Variants in CNBD1 observed in about 807,000 individuals in gnomAD.
The protein encoded by CNBD1 is cyclic nucleotide-binding domain-containing protein 1.
CNBD1 carries 71 observed loss-of-function variants against 54.4 expected under a neutral mutation model. That is an observed-to-expected ratio of 1.30 (90% CI 1.08 to 1.59). The LOEUF is 1.59. Among genes scored for constraint, CNBD1 ranks in the 40% most tolerant of loss-of-function variants. The pLI is 0.00. For synonymous variants in CNBD1, 182 were observed against 170.7 expected (o/e 1.07, Z -0.51); for missense variants, 659 against 518.0 (o/e 1.27, Z -2.64).
intron 10 of CNBD1, among the ~76,000 whole-genome samples, chr8:87,355,888 G>T (rs1810410024): frequency 6.6e-6 from 1 of 152,074 alleles, no homozygotes. Context: ...CAAGGAGATG[G>T]ATCCTTTATG....
intron 5 of CNBD1, among the ~76,000 whole-genome samples, chr8:87,221,397 A>C (rs936936186): frequency 9.2e-5 from 14 of 152,046 alleles, no homozygotes; most frequent in African/African-American, 3.4e-4. Context: ...GTTCTTTATC[A>C]ACCTTCCTAG....
At chr8:87,399,555 T>G (rs997743510) in intron 2 of CNBD1, among the ~76,000 whole-genome samples, 1 of 152,012 alleles carries the variant, frequency 6.6e-6, no homozygotes, top group Non-Finnish European at 1.5e-5. Context: ...GGATAATTTA[T>G]GAACCTAATA....
At chr8:87,128,327 A>G (rs1812041964) in intron 4 of CNBD1, among the ~76,000 whole-genome samples, 1 of 152,102 alleles carries the variant, frequency 6.6e-6, no homozygotes, top group African/African-American at 2.4e-5. Context: ...CAGACACTCA[A>G]CCCTGGATGC....
intron 4 of CNBD1, among the ~76,000 whole-genome samples, chr8:87,058,867 T>C (rs529617658): frequency 6.6e-6 from 1 of 152,360 alleles, no homozygotes; most frequent in African/African-American, 2.4e-5. Context: ...TTGTTACTTA[T>C]GCAAATTTAT....
chr8:87,282,640 T>C (rs1808620271), intron 6 of CNBD1, among the ~76,000 whole-genome samples: 1 of 151,980 alleles, frequency 6.6e-6, no homozygotes, highest in Non-Finnish European at 1.5e-5. Context: ...GGAAGTTTTA[T>C]AATTTCCTAA....
intron 4 of CNBD1, among the ~76,000 whole-genome samples, chr8:87,042,534 A>G (rs1350377534): frequency 6.6e-6 from 1 of 152,228 alleles, no homozygotes; most frequent in African/African-American, 2.4e-5. Context: ...GATTTCAACA[A>G]AAGTTAAATG....
At chr8:86,909,114 A>G (rs1234230669) in intron 3 of CNBD1, among the ~76,000 whole-genome samples, 1 of 152,118 alleles carries the variant, frequency 6.6e-6, no homozygotes, top group East Asian at 1.9e-4. Flanking sequence ...AATAAACATA[A>G]TGGTCATTTT....
At chr8:87,134,659 G>T (rs1812190128) in intron 4 of CNBD1, among the ~76,000 whole-genome samples, 2 of 131,568 alleles carry the variant, frequency 1.5e-5, no homozygotes. Flanking sequence ...CTGGAGTGCA[G>T]TGGCTCTGTC....
intron 6 of CNBD1, among the ~76,000 whole-genome samples, chr8:87,244,233 C>A (rs953607098): frequency 6.6e-6 from 1 of 152,086 alleles, no homozygotes; most frequent in African/African-American, 2.4e-5. Flanking sequence ...AGGTGAGGGA[C>A]AAATGGCTGC....
At chr8:87,326,230 C>T (rs1442776868) in intron 8 of CNBD1, among the ~76,000 whole-genome samples, 3,389 of 95,520 alleles carry the variant, frequency 0.035, 69 homozygotes, top group Middle Eastern at 0.082. Context: ...TCTGGCTGCC[C>T]TTAACATTTT....
At chr8:87,228,114 G>T (rs1232472925) in intron 5 of CNBD1, among the ~76,000 whole-genome samples, 7 of 150,990 alleles carry the variant, frequency 4.6e-5, no homozygotes, top group Non-Finnish European at 1.0e-4. Context: ...GCACTTCTCT[G>T]TATTGGTTAT....
At chr8:87,009,389 C>T (rs998338517) in intron 4 of CNBD1, among the ~76,000 whole-genome samples, 32 of 152,198 alleles carry the variant, frequency 2.1e-4, no homozygotes, top group Admixed American at 3.3e-4. Context: ...CAACCTCTGC[C>T]TTCTGGGTTC....
At chr8:86,984,998 T>G (rs1349319832) in intron 4 of CNBD1, among the ~76,000 whole-genome samples, 1 of 152,060 alleles carries the variant, frequency 6.6e-6, no homozygotes, top group Non-Finnish European at 1.5e-5. Flanking sequence ...CCCATCCAAA[T>G]CTCATCTTGA....
intron 4 of CNBD1, among the ~76,000 whole-genome samples, chr8:87,134,786 T>A (rs934524541): frequency 6.6e-6 from 1 of 151,458 alleles, no homozygotes; most frequent in African/African-American, 2.4e-5. Context: ...TGAATTTTTT[T>A]TTTTTAGTAG....
chr8:87,135,281 A>G (rs1812205253), intron 4 of CNBD1, among the ~76,000 whole-genome samples: 1 of 151,970 alleles, frequency 6.6e-6, no homozygotes, highest in South Asian at 2.1e-4. Flanking sequence ...TATAAAATCA[A>G]ATATACTAAG....
chr8:87,420,039 CAA>C (rs1257048771), intron 2 of CNBD1, among the ~76,000 whole-genome samples: 1 of 150,818 alleles, frequency 6.6e-6, no homozygotes, highest in South Asian at 2.1e-4. Flanking sequence ...ACATAATGAC[CAA>C]GTTTGATTTA....
chr8:87,127,023 T>C (rs1186148860), intron 4 of CNBD1, among the ~76,000 whole-genome samples: 2 of 151,828 alleles, frequency 1.3e-5, no homozygotes, highest in Non-Finnish European at 2.9e-5. Flanking sequence ...CGCAAACTCA[T>C]CTATTCCCCT....
intron 4 of CNBD1, among the ~76,000 whole-genome samples, chr8:87,020,561 C>T (rs1185767649): frequency 2.0e-5 from 3 of 152,082 alleles, no homozygotes; most frequent in African/African-American, 7.2e-5. Flanking sequence ...CCTAAGGGGT[C>T]TATGGAGTCA....
At chr8:87,307,652 C>A (rs932340994) in intron 8 of CNBD1, among the ~76,000 whole-genome samples, 4 of 151,560 alleles carry the variant, frequency 2.6e-5, no homozygotes, top group Non-Finnish European at 4.4e-5. Flanking sequence ...GCAGGAGAAT[C>A]GCTTGAACCT....
Sources: gnomAD v4.1 joint callset for allele counts (sites outside exome capture counted in the v4.1 genomes callset) on GRCh38, gnomAD v4.1.1 for gene constraint, MANE v1.5 for transcripts, NCBI Gene and HGNC (gene_info 2026-07-23, HGNC 2026-07-21) for gene names.